The following MAP3K2 variants were observed in gnomAD, a reference collection of about 807,000 sequenced individuals.
The protein encoded by MAP3K2 is mitogen-activated protein kinase kinase kinase 2.
In MAP3K2, 24 loss-of-function variants were observed where a neutral mutation model predicts 80.3. The observed-to-expected ratio is 0.30, with a 90% CI of 0.22 to 0.42. The LOEUF (loss-of-function observed/expected upper bound fraction) is 0.42, where lower values mean the gene tolerates loss of function less well. Among genes scored for constraint, MAP3K2 ranks in the 10% least tolerant of loss-of-function variants. The probability of loss-of-function intolerance (pLI) is 1.00; values close to 1 mark genes in which losing one functional copy is unlikely to be tolerated. For missense variants in MAP3K2, 608 were observed against 750.1 expected (o/e 0.81, Z 2.21); for synonymous variants, 244 against 253.7 (o/e 0.96, Z 0.36).
At chr2:127,383,093 G>A (rs912354926) in intron 1 of MAP3K2, among the ~76,000 whole-genome samples, 4 of 152,138 alleles carry the variant, frequency 2.6e-5, no homozygotes, top group African/African-American at 9.7e-5. Flanking sequence ...GTGGAGAGAT[G>A]CCACACATTT....
chr2:127,367,701 G>A (rs186975667), intron 1 of MAP3K2, among the ~76,000 whole-genome samples: 3 of 152,268 alleles, frequency 2.0e-5, no homozygotes, highest in African/African-American at 7.2e-5. Context: ...GCTGAGGCAC[G>A]AGAATGGCTT....
intron 1 of MAP3K2, among the ~76,000 whole-genome samples, chr2:127,373,172 GCTTTCT>G: frequency 6.6e-6 from 1 of 152,258 alleles, no homozygotes; most frequent in Non-Finnish European, 1.5e-5. Flanking sequence ...TGTAAATCAG[GCTTTCT>G]CCCCAGTAGA....
chr2:127,373,612 A>C (rs1457528040), intron 1 of MAP3K2, among the ~76,000 whole-genome samples: 6 of 152,226 alleles, frequency 3.9e-5, no homozygotes, highest in Admixed American at 3.3e-4. Context: ...TCTCAAAGGC[A>C]ATTAGATCGC....
intron 1 of MAP3K2, among the ~76,000 whole-genome samples, chr2:127,366,212 G>A (rs923622575): frequency 7.2e-5 from 11 of 151,972 alleles, no homozygotes; most frequent in African/African-American, 2.4e-4. Flanking sequence ...ATTAACAAAC[G>A]TCAATACCAA....
chr2:127,314,957 A>T, intron 14 of MAP3K2, 74 bp from the exon 15 acceptor site: 1 of 1,061,984 alleles, frequency 9.4e-7, no homozygotes, highest in Non-Finnish European at 1.4e-6. Context: ...AATCTTTATC[A>T]GTAAAGAGGG....
rs1687395083 is a variant in MAP3K2, at chr2:127,387,657, G to A, written c.-271C>T. On this transcript the variant is annotated 5_prime_UTR_variant, in exon 1 of 17. Coordinates refer to ENST00000682094, the MANE Select transcript of MAP3K2 (RefSeq NM_001371910.2). ...CCTCTTTCACATGAAGCCCGGGCCG[G>A]GCGGGGTGGCGGGCGCGTGAATCCT... 7 of 985,162 alleles carry A rather than the reference G, an allele frequency of 7.1e-6. No individual in the cohort carries two copies. Among genetic ancestry groups the A allele is most frequent in the African/African-American group, 1.7e-5 (1 of 57,278 alleles). 61.0% of individuals were successfully genotyped at this position (985,162 alleles called of 1,614,324 possible). A position where few individuals can be genotyped will look rare whatever the true frequency, so the allele number is the denominator to read the frequency against.
At chr2:127,367,030 T>A (rs1318456818) in intron 1 of MAP3K2, among the ~76,000 whole-genome samples, 2 of 151,840 alleles carry the variant, frequency 1.3e-5, no homozygotes, top group Non-Finnish European at 1.5e-5. Context: ...ACCACCACAC[T>A]CGGCTAATTT....
At chr2:127,371,578 A>G (rs1574006454) in intron 1 of MAP3K2, among the ~76,000 whole-genome samples, 1 of 152,230 alleles carries the variant, frequency 6.6e-6, no homozygotes, top group East Asian at 1.9e-4. Flanking sequence ...TGGATCGCCA[A>G]CAAGCAATGC....
chr2:127,333,624 T>C (rs1335357087), intron 5 of MAP3K2, among the ~76,000 whole-genome samples: 4 of 152,130 alleles, frequency 2.6e-5, no homozygotes, highest in Non-Finnish European at 1.5e-5. Flanking sequence ...TCACAGAATC[T>C]CAGGGTTGCA....
At chr2:127,335,447 T>C (rs1414440803) in intron 5 of MAP3K2, among the ~76,000 whole-genome samples, 1 of 152,306 alleles carries the variant, frequency 6.6e-6, no homozygotes, top group East Asian at 1.9e-4. Flanking sequence ...TACATACTGA[T>C]TCCCAAACAT....
chr2:127,383,662 A>G (rs1323085185), intron 1 of MAP3K2, among the ~76,000 whole-genome samples: 1 of 152,196 alleles, frequency 6.6e-6, no homozygotes, highest in Admixed American at 6.6e-5. Context: ...TGCATTTCCT[A>G]ATTTAAGAAA....
At chr2:127,351,289 T>C (rs567032039) in intron 1 of MAP3K2, among the ~76,000 whole-genome samples, 1 of 152,228 alleles carries the variant, frequency 6.6e-6, no homozygotes, top group South Asian at 2.1e-4. Context: ...TCTGGATATG[T>C]AGAAAAATAT....
intron 3 of MAP3K2, 103 bp from the exon 4 acceptor site, chr2:127,337,881 A>G (rs758335985): frequency 5.2e-5 from 35 of 678,946 alleles, no homozygotes; most frequent in Middle Eastern, 2.5e-4. Context: ...TTAGCCATTC[A>G]TTTAAAATAG....
rs1363599618 is a variant in MAP3K2 at position 127,339,138 on chromosome 2, T to G, written c.5-88A>C. On this transcript the variant is annotated intron_variant, in intron 2 of 16. Coordinates refer to ENST00000682094, the MANE Select transcript of MAP3K2 (RefSeq NM_001371910.2). The surrounding 1 kb of genome is among the most constrained non-coding windows in gnomAD (Gnocchi z 4.2). ...TAGACATCAAACACAAAATTTAAAA[T>G]AAAATTTGATGTAGAGAATGTATTA... 1 of 764,108 alleles carries G rather than the reference T, an allele frequency of 1.3e-6. No individual in the cohort carries two copies. The highest frequency in any genetic ancestry group is 2.1e-6 in the Non-Finnish European group (1 of 469,350). 47.3% of individuals were successfully genotyped at this position (764,108 alleles called of 1,614,324 possible).
chr2:127,358,768 C>T (rs191521808), intron 1 of MAP3K2, among the ~76,000 whole-genome samples: 14 of 152,188 alleles, frequency 9.2e-5, no homozygotes, highest in Admixed American at 2.6e-4. Flanking sequence ...CCCGTCTCTA[C>T]TAAAAATACA....
chr2:127,365,577 C>T (rs1558988601), intron 1 of MAP3K2, among the ~76,000 whole-genome samples: 1 of 152,166 alleles, frequency 6.6e-6, no homozygotes, highest in Non-Finnish European at 1.5e-5. Flanking sequence ...TTCTTGATTG[C>T]CAACCCTGCT....
At chr2:127,347,919 G>A (rs921889443) in intron 1 of MAP3K2, among the ~76,000 whole-genome samples, 1 of 152,128 alleles carries the variant, frequency 6.6e-6, no homozygotes, top group African/African-American at 2.4e-5. Context: ...AGGTGGTAAT[G>A]AAGATGTGAA....
chr2:127,372,901 CG>C (rs1558990517), intron 1 of MAP3K2, among the ~76,000 whole-genome samples: 1 of 152,206 alleles, frequency 6.6e-6, no homozygotes, highest in East Asian at 1.9e-4. Context: ...GACTTTTGCA[CG>C]ACTTATGTGC....
At chr2:127,333,693 C>T (rs1332637635) in intron 5 of MAP3K2, among the ~76,000 whole-genome samples, 1 of 152,140 alleles carries the variant, frequency 6.6e-6, no homozygotes, top group East Asian at 1.9e-4. Flanking sequence ...TGCCAAGAGG[C>T]CACCAAAATA....
Sources: allele counts gnomAD v4.1 joint callset (sites outside exome capture counted in the v4.1 genomes callset), GRCh38; gene constraint gnomAD v4.1.1; non-coding constraint Gnocchi (gnomAD v3.1); transcripts MANE v1.5; gene names NCBI Gene and HGNC (gene_info 2026-07-23, HGNC 2026-07-21).